Variants in PREX1 observed in about 807,000 individuals in gnomAD.
PREX1 encodes phosphatidylinositol-3,4,5-trisphosphate dependent Rac exchange factor 1.
A neutral mutation model predicts 198.3 loss-of-function variants in PREX1; 41 were observed. That is an observed-to-expected ratio of 0.21 (90% CI 0.16 to 0.27). PREX1 has a LOEUF of 0.27. PREX1 is among the 10% of genes least tolerant of loss of function. The probability of loss-of-function intolerance (pLI) is 1.00; values close to 1 mark genes in which losing one functional copy is unlikely to be tolerated. For missense variants in PREX1, 1,620 were observed against 2,200.7 expected (o/e 0.74, Z 5.28); for synonymous variants, 843 against 887.2 (o/e 0.95, Z 0.89).
At chr20:48,847,364 T>TAAAAAAAAAAAAAAAAAAAAAA in the PREX1 span, among the ~76,000 whole-genome samples, 79 of 77,178 alleles carry the variant, frequency 1.0e-3, 1 homozygote, top group Non-Finnish European at 1.5e-3. Flanking sequence ...CCTTCTCTTA[T>TAAAAAAAAAAAAAAAAAAAAAA]AAAAAAAAAA....
At chr20:48,886,190 T>C in the PREX1 span, among the ~76,000 whole-genome samples, 1 of 152,222 alleles carries the variant, frequency 6.6e-6, no homozygotes, top group Non-Finnish European at 1.5e-5. Flanking sequence ...TGAAAATTTC[T>C]ACAGAAATTC....
At chr20:48,740,674 C>T (rs930126506) in intron 3 of PREX1, among the ~76,000 whole-genome samples, 3 of 152,196 alleles carry the variant, frequency 2.0e-5, no homozygotes, top group Non-Finnish European at 4.4e-5. Context: ...TCAACCTATC[C>T]TCCGTGAGCA....
At chr20:48,802,030 C>T (rs937599801) in intron 1 of PREX1, among the ~76,000 whole-genome samples, 2 of 152,220 alleles carry the variant, frequency 1.3e-5, no homozygotes, top group African/African-American at 4.8e-5. Context: ...ACTTCCCAGC[C>T]TGTGCAACTG....
intron 30 of PREX1, among the ~76,000 whole-genome samples, chr20:48,638,453 C>T (rs185076676): frequency 2.0e-5 from 3 of 152,338 alleles, no homozygotes; most frequent in Non-Finnish European, 4.4e-5. Flanking sequence ...GGCCCAACAT[C>T]CTGTTCTCTT....
chr20:48,828,100 C>T (rs1382048041), upstream of PREX1, among the ~76,000 whole-genome samples: 2 of 148,584 alleles, frequency 1.3e-5, no homozygotes, highest in African/African-American at 2.4e-5. Context: ...TGGCCCCCCG[C>T]CCCCGCGCCA....
Position 48,708,256 on chromosome 20 carries a change from A to G in PREX1, c.783+4T>C. ...CAGGAAGCCCCCTCCTGTCCTGTAC[A>G]CACCTCCCAGCCTTCGATGTGGGAC... On this transcript the variant is annotated splice_donor_region_variant and intron_variant, in intron 6 of 39. Coordinates refer to ENST00000371941, the MANE Select transcript of PREX1 (RefSeq NM_020820.4). 1 of 1,613,630 alleles carries G rather than the reference A, an allele frequency of 6.2e-7. No individual in the cohort carries two copies. Among genetic ancestry groups the G allele is most frequent in the Non-Finnish European group, 8.5e-7 (1 of 1,179,968 alleles).
intron 1 of PREX1, among the ~76,000 whole-genome samples, chr20:48,798,890 T>C (rs367828233): frequency 6.6e-6 from 1 of 152,194 alleles, no homozygotes; most frequent in African/African-American, 2.4e-5. Context: ...TCTCTAAATA[T>C]GAATTAAATA....
At position 48,827,764 on chromosome 20, in the gene PREX1, C is replaced by G; in HGVS notation, c.97G>C (p.Gly33Arg). Residue 33 changes from glycine (G) to arginine (R), a missense_variant, in exon 1 of 40, where the codon GGC (glycine) becomes CGC (arginine). Physicochemically the swap from Gly to Arg is moderately radical, Grantham distance 125. Transcript: ENST00000371941. The surrounding 1 kb of genome is among the most constrained non-coding windows in gnomAD (Gnocchi z 4.1). ...RAPGAAAPSS[G>R]PGPCAAARES... ...CGGGCGGCCGCGCACGGGCCGGGGC[C>G]GGAGCTGGGCGCCGCGGCGCCAGGG... The G allele has an allele frequency of 8.5e-7, 1 of 1,179,926 alleles. No homozygotes were observed. The highest frequency in any genetic ancestry group is 1.6e-5 in the African/African-American group (1 of 61,520). 73.1% of individuals were successfully genotyped at this position (1,179,926 alleles called of 1,614,324 possible).
intron 5 of PREX1, among the ~76,000 whole-genome samples, chr20:48,718,965 G>A (rs1204555588): frequency 6.6e-6 from 1 of 152,210 alleles, no homozygotes; most frequent in Non-Finnish European, 1.5e-5. Flanking sequence ...CAATATTTGA[G>A]TCACCAACAT....
At chr20:48,675,761 G>A (rs576463617) in intron 14 of PREX1, among the ~76,000 whole-genome samples, 13 of 152,266 alleles carry the variant, frequency 8.5e-5, no homozygotes, top group East Asian at 1.9e-4. Context: ...CAAGATGGCC[G>A]GGCGTGGTGG....
chr20:48,734,982 T>C (rs1002498636), intron 3 of PREX1, among the ~76,000 whole-genome samples: 8 of 151,972 alleles, frequency 5.3e-5, no homozygotes, highest in African/African-American at 1.4e-4. Flanking sequence ...GACTTCCCTG[T>C]GCCTCGGTCT....
chr20:48,741,012 ATT>A (rs568732282), intron 3 of PREX1, among the ~76,000 whole-genome samples: 6 of 147,106 alleles, frequency 4.1e-5, no homozygotes, highest in African/African-American at 1.5e-4. Flanking sequence ...AAGTGAATCA[ATT>A]TTTTTTTTTT....
the PREX1 span, among the ~76,000 whole-genome samples, chr20:48,886,344 G>A: frequency 6.6e-6 from 1 of 152,228 alleles, no homozygotes; most frequent in Non-Finnish European, 1.5e-5. Context: ...GTCATCCAGA[G>A]ATTGGGCTTC....
intron 1 of PREX1, among the ~76,000 whole-genome samples, chr20:48,768,997 C>T (rs2090222200): frequency 6.6e-6 from 1 of 152,014 alleles, no homozygotes; most frequent in African/African-American, 2.4e-5. Context: ...TCACCGTCCA[C>T]CCTGGTTTGT....
At position 48,827,872 on chromosome 20, in the gene PREX1, C is replaced by G. The variant is rs1463121665; in HGVS notation, c.-12G>C. 14 of 976,636 alleles carry G rather than the reference C, an allele frequency of 1.4e-5. No homozygotes were observed. The highest frequency in any genetic ancestry group is 1.7e-5 in the Non-Finnish European group (14 of 824,756). The allele number at this position is 976,636 out of a possible 1,614,324, so 60.5% of individuals were successfully genotyped here. On this transcript the variant is annotated 5_prime_UTR_variant, in exon 1 of 40. Coordinates refer to ENST00000371941, the MANE Select transcript of PREX1 (RefSeq NM_020820.4). This position sits in a 1 kb window ranked among gnomAD's most constrained non-coding sequence, Gnocchi z 4.1. ...CTGGGCGCCTCCATTCTAGCGCGGC[C>G]GCGCGGCGCCGGCTCCTTCCGTCGC...
intron 2 of PREX1, among the ~76,000 whole-genome samples, chr20:48,746,771 A>T (rs1156805483): frequency 1.3e-5 from 2 of 152,120 alleles, no homozygotes; most frequent in African/African-American, 2.4e-5. Context: ...AAAAAAGGTA[A>T]TTTTTTATAA....
chr20:48,647,982 T>C (rs988594599), intron 25 of PREX1, among the ~76,000 whole-genome samples: 7 of 152,208 alleles, frequency 4.6e-5, no homozygotes, highest in Non-Finnish European at 1.0e-4. Context: ...CATGGCTTAC[T>C]GCAGCCTCGA....
In PREX1 at chr20:48,627,852, C is replaced by A; in HGVS notation, c.4869+9G>T. On this transcript the variant is annotated intron_variant, in intron 38 of 39. Transcript: ENST00000371941. ...GGTGCTGGAGGACCCTGTGGCCAAG[C>A]GGCCTCACCTGCTTCCGCATGATGT... 6.2e-7 allele frequency: 1 copy of A among 1,610,004 alleles called. No homozygotes were observed.
At chr20:48,775,371 C>A (rs998142435) in intron 1 of PREX1, among the ~76,000 whole-genome samples, 1 of 151,862 alleles carries the variant, frequency 6.6e-6, no homozygotes, top group African/African-American at 2.4e-5. Flanking sequence ...GAAAAGCCTC[C>A]CTGATAAGAA....
Sources: allele counts gnomAD v4.1 joint callset (sites outside exome capture counted in the v4.1 genomes callset), GRCh38; gene constraint gnomAD v4.1.1; non-coding constraint Gnocchi (gnomAD v3.1); transcripts MANE v1.5; gene names NCBI Gene and HGNC (gene_info 2026-07-23, HGNC 2026-07-21).